Variants in AGBL4 observed in about 807,000 individuals in gnomAD.
The protein encoded by AGBL4 is AGBL carboxypeptidase 4, also known as cytosolic carboxypeptidase 6.
A neutral mutation model predicts 66.4 loss-of-function variants in AGBL4; 58 were observed. That is an observed-to-expected ratio of 0.87 (90% CI 0.71 to 1.09). AGBL4 has a LOEUF of 1.09. AGBL4 is among the 50% of genes least tolerant of loss of function. The pLI, the probability that AGBL4 is intolerant of heterozygous loss-of-function variation, is 0.00. For missense variants in AGBL4, 579 were observed against 631.0 expected (o/e 0.92, Z 0.88); for synonymous variants, 234 against 222.9 (o/e 1.05, Z -0.44).
At chr1:49,043,016 T>G (rs140109240) in intron 5 of AGBL4, among the ~76,000 whole-genome samples, 169 of 152,248 alleles carry the variant, frequency 1.1e-3, no homozygotes, top group African/African-American at 3.7e-3. Flanking sequence ...GTACAGATCC[T>G]GCCTTAAATG....
At position 49,371,897 on chromosome 1, in the gene AGBL4, A is replaced by G. The variant is rs566096535; in HGVS notation, c.283-126033T>C. ...AATAGACACCTCTATTGTAACCCTGATGGTGTCTCAGACCTCCAAAAGGAA... is the reference window on the plus strand; with the variant it reads ...AATAGACACCTCTATTGTAACCCTGGTGGTGTCTCAGACCTCCAAAAGGAA... On this transcript the variant is annotated intron_variant, in intron 3 of 13. Coordinates refer to ENST00000371839, the MANE Select transcript of AGBL4 (RefSeq NM_032785.4). Among the ~76,000 whole-genome samples the G allele has an allele frequency of 5.3e-5, 8 of 150,140 alleles. No homozygotes were observed. The South Asian group carries it at 1.7e-3, about 32-fold the overall frequency.
intron 8 of AGBL4, among the ~76,000 whole-genome samples, chr1:48,637,074 G>A (rs1645678798): frequency 6.6e-6 from 1 of 152,160 alleles, no homozygotes; most frequent in African/African-American, 2.4e-5. Context: ...TATGCTTACA[G>A]GTTTATATCC....
In AGBL4 at chr1:48,534,099, A is replaced by G; in HGVS notation, c.*74T>C. The G allele has an allele frequency of 1.3e-6, 2 of 1,545,460 alleles. No homozygotes were observed. The highest frequency in any genetic ancestry group is 1.8e-6 in the Non-Finnish European group (2 of 1,141,700). On this transcript the variant is annotated 3_prime_UTR_variant, in exon 14 of 14. Coordinates refer to ENST00000371839, the MANE Select transcript of AGBL4 (RefSeq NM_032785.4). ...TCCACAAATCCTTGGAAGCTAGAGA[A>G]GAGTGATTAATTTCATTCCCCAGCA...
At chr1:48,824,684 G>A (rs1421791834) in intron 6 of AGBL4, among the ~76,000 whole-genome samples, 1 of 152,140 alleles carries the variant, frequency 6.6e-6, no homozygotes, top group African/African-American at 2.4e-5. Flanking sequence ...GAACAACTAG[G>A]GGTAAAAAGG....
chr1:49,288,497 G>A (rs1230228161), intron 3 of AGBL4, among the ~76,000 whole-genome samples: 2 of 152,124 alleles, frequency 1.3e-5, no homozygotes, highest in Non-Finnish European at 2.9e-5. Flanking sequence ...CAAGGCCATT[G>A]CGAATTTTAA....
chr1:49,650,432 G>A (rs1462712145), intron 3 of AGBL4, among the ~76,000 whole-genome samples: 1 of 152,156 alleles, frequency 6.6e-6, no homozygotes, highest in Non-Finnish European at 1.5e-5. Context: ...GCAACCCTAG[G>A]AAATGCGGTC....
chr1:48,865,259 A>G (rs1466228828), intron 6 of AGBL4, among the ~76,000 whole-genome samples: 1 of 152,172 alleles, frequency 6.6e-6, no homozygotes. Flanking sequence ...CATCCAGATA[A>G]TAGCATGATC....
intron 1 of AGBL4, among the ~76,000 whole-genome samples, chr1:49,948,144 A>G (rs1194341279): frequency 2.9e-5 from 3 of 103,864 alleles, no homozygotes; most frequent in Admixed American, 1.4e-4. Context: ...ATATGTAAAT[A>G]TATATAAATA....
chr1:49,627,804 T>G (rs1045794681), intron 3 of AGBL4, among the ~76,000 whole-genome samples: 2 of 152,156 alleles, frequency 1.3e-5, no homozygotes, highest in Non-Finnish European at 2.9e-5. Flanking sequence ...AAAGCTAGAT[T>G]AGGGGAGCTG....
intron 4 of AGBL4, among the ~76,000 whole-genome samples, chr1:49,195,318 C>T (rs1342590868): frequency 3.3e-5 from 5 of 151,996 alleles, no homozygotes; most frequent in Non-Finnish European, 5.9e-5. Flanking sequence ...TTTAGAACTC[C>T]TTTGAGCATT....
At chr1:49,063,578 T>C (rs1232302820) in intron 4 of AGBL4, among the ~76,000 whole-genome samples, 3 of 152,132 alleles carry the variant, frequency 2.0e-5, no homozygotes, top group African/African-American at 7.2e-5. Context: ...TAAAGATAAA[T>C]TAGTTTATAA....
At chr1:49,631,083 C>T (rs889513346) in intron 3 of AGBL4, among the ~76,000 whole-genome samples, 1 of 152,122 alleles carries the variant, frequency 6.6e-6, no homozygotes, top group African/African-American at 2.4e-5. Flanking sequence ...GGTGGACTAA[C>T]TCCCAAAGCT....
At chr1:49,422,873 T>C (rs1645574584) in intron 3 of AGBL4, among the ~76,000 whole-genome samples, 1 of 152,198 alleles carries the variant, frequency 6.6e-6, no homozygotes, top group African/African-American at 2.4e-5. Context: ...TTATTATTAG[T>C]GTAACAAGGG....
At chr1:49,887,836 G>A (rs1396023495) in intron 1 of AGBL4, among the ~76,000 whole-genome samples, 2 of 151,880 alleles carry the variant, frequency 1.3e-5, no homozygotes, top group Non-Finnish European at 2.9e-5. Context: ...CCATTCTTAG[G>A]AATACATTCC....
chr1:49,536,053 T>C (rs551818758), intron 3 of AGBL4, among the ~76,000 whole-genome samples: 13 of 152,354 alleles, frequency 8.5e-5, no homozygotes, highest in African/African-American at 3.1e-4. Flanking sequence ...TAGTAGTTGT[T>C]ACTAGTTTTC....
At chr1:49,556,093 G>A (rs906959998) in intron 3 of AGBL4, among the ~76,000 whole-genome samples, 7 of 151,900 alleles carry the variant, frequency 4.6e-5, no homozygotes, top group Non-Finnish European at 8.8e-5. Context: ...TGTTTATTGC[G>A]GCACTACTCA....
intron 5 of AGBL4, among the ~76,000 whole-genome samples, chr1:48,937,491 C>G (rs1655579042): frequency 6.6e-6 from 1 of 152,124 alleles, no homozygotes; most frequent in African/African-American, 2.4e-5. Context: ...TATACAGACC[C>G]TAGACTCTGA....
chr1:49,414,606 C>G (rs1645388441), intron 3 of AGBL4, among the ~76,000 whole-genome samples: 2 of 152,132 alleles, frequency 1.3e-5, no homozygotes, highest in South Asian at 4.1e-4. Flanking sequence ...GGTTAATGCT[C>G]TAGTCTCCAT....
intron 2 of AGBL4, among the ~76,000 whole-genome samples, chr1:49,707,651 T>A (rs1008081697): frequency 5.3e-5 from 8 of 152,146 alleles, no homozygotes; most frequent in Non-Finnish European, 8.8e-5. Context: ...ATAGTGTCGA[T>A]GGTCTCTACA....
Sources: gnomAD v4.1 joint callset for allele counts (sites outside exome capture counted in the v4.1 genomes callset) on GRCh38, gnomAD v4.1.1 for gene constraint, MANE v1.5 for transcripts, NCBI Gene and HGNC (gene_info 2026-07-23, HGNC 2026-07-21) for gene names.